The following DLGAP2 variants were observed in gnomAD, a reference collection of about 807,000 sequenced individuals.
DLGAP2 encodes disks large-associated protein 2.
A neutral mutation model predicts 100.3 loss-of-function variants in DLGAP2; 26 were observed. The ratio of observed to expected loss-of-function variants is 0.26; its 90% CI spans 0.19 to 0.36. The LOEUF is 0.36. Among genes scored for constraint, DLGAP2 ranks in the 10% least tolerant of loss-of-function variants. DLGAP2 has a pLI of 1.00. For missense variants in DLGAP2, 1,858 were observed against 1,453.2 expected, an observed-to-expected ratio of 1.28 and a Z score of -4.53; for synonymous variants, 886 against 630.1, an observed-to-expected ratio of 1.41 and a Z score of -6.08.
intron 2 of DLGAP2, among the ~76,000 whole-genome samples, chr8:1,092,285 G>A (rs111876788): frequency 6.6e-6 from 1 of 152,210 alleles, no homozygotes; most frequent in African/African-American, 2.4e-5. Flanking sequence ...CATTTCCACT[G>A]TGCCGGGCTG....
intron 1 of DLGAP2, among the ~76,000 whole-genome samples, chr8:758,407 T>C (rs188635886): frequency 6.6e-6 from 1 of 152,232 alleles, no homozygotes; most frequent in East Asian, 1.9e-4. Context: ...ATTTATATAT[T>C]TATAGATATT....
In DLGAP2 at chr8:905,723, A is replaced by AG. The variant is rs927980828; in HGVS notation, c.19-2183dup. On this transcript the variant is annotated intron_variant, in intron 1 of 14. Transcript: ENST00000637795. ...GTGGTCACGGGAGCTGCGGCATTTG[A>AG]GGGGGGCGCCAGCTCCCATGGAGGT... Among the ~76,000 whole-genome samples, 43 of 152,112 alleles carry AG rather than the reference A, an allele frequency of 2.8e-4. No homozygotes were observed. The Middle Eastern group carries it at 0.017, about 60-fold the overall frequency.
intron 3 of DLGAP2, among the ~76,000 whole-genome samples, chr8:1,477,496 T>C (rs959211444): frequency 3.3e-5 from 5 of 152,214 alleles, no homozygotes; most frequent in African/African-American, 7.2e-5. Flanking sequence ...GGAACCTTGC[T>C]CTTTTATTGA....
At chr8:1,322,758 A>T (rs1800935295) in intron 3 of DLGAP2, among the ~76,000 whole-genome samples, 1 of 152,218 alleles carries the variant, frequency 6.6e-6, no homozygotes, top group Non-Finnish European at 1.5e-5. Context: ...GGAAACATAG[A>T]TCAGATCGGC....
intron 3 of DLGAP2, among the ~76,000 whole-genome samples, chr8:1,491,383 T>TCCCCCTGACCCCGGAGGCTTCGTGCC (rs1563180305): frequency 6.7e-6 from 1 of 149,112 alleles, no homozygotes; most frequent in African/African-American, 2.5e-5. Context: ...GGCTTCGGGC[T>TCCCCCTGACCCCGGAGGCTTCGTGCC]GCTCCCCCTG....
intron 1 of DLGAP2, among the ~76,000 whole-genome samples, chr8:810,328 G>C (rs1796348779): frequency 1.3e-5 from 2 of 152,092 alleles, no homozygotes; most frequent in African/African-American, 4.8e-5. Context: ...TATTGTTTTA[G>C]TCATTAATTA....
intron 2 of DLGAP2, 66 bp downstream of exon 2, chr8:908,032 G>A (rs1282902773): frequency 2.5e-6 from 1 of 398,504 alleles, no homozygotes; most frequent in Non-Finnish European, 4.4e-6. Context: ...AGTGAGAAAT[G>A]TGATTACCTA....
At chr8:1,345,645 C>G (rs1056424624) in intron 3 of DLGAP2, among the ~76,000 whole-genome samples, 10 of 152,180 alleles carry the variant, frequency 6.6e-5, no homozygotes, top group African/African-American at 1.7e-4. Flanking sequence ...CACAGCAGCC[C>G]TGAGGGATGG....
intron 3 of DLGAP2, among the ~76,000 whole-genome samples, chr8:1,303,402 CAAAAAAA>C (rs374350701): frequency 4.4e-4 from 55 of 125,346 alleles, no homozygotes; most frequent in Admixed American, 4.0e-4. Flanking sequence ...GTCTCAAAAA[CAAAAAAA>C]AAAAAAAAAA....
chr8:1,004,735 G>A (rs372893533), intron 2 of DLGAP2, among the ~76,000 whole-genome samples: 4 of 152,172 alleles, frequency 2.6e-5, no homozygotes, highest in East Asian at 3.9e-4. Flanking sequence ...CTGGGAGGTC[G>A]GCTTCACACC....
intron 2 of DLGAP2, among the ~76,000 whole-genome samples, chr8:1,132,309 A>T (rs748597665): frequency 6.6e-6 from 1 of 152,202 alleles, no homozygotes; most frequent in Non-Finnish European, 1.5e-5. Flanking sequence ...TTAAAGCCTG[A>T]GATAAAAACT....
intron 2 of DLGAP2, among the ~76,000 whole-genome samples, chr8:1,099,558 C>T (rs1044668008): frequency 1.1e-4 from 16 of 152,176 alleles, no homozygotes; most frequent in African/African-American, 3.9e-4. Context: ...GGGACTTCGT[C>T]CCTTTCAGAG....
intron 3 of DLGAP2, among the ~76,000 whole-genome samples, chr8:1,417,959 G>GA (rs112176608): frequency 9.9e-5 from 15 of 151,334 alleles, no homozygotes; most frequent in Middle Eastern, 3.4e-3. Context: ...CGTCTGTCGT[G>GA]AAAAAAAAAG....
chr8:897,653 G>C (rs953064720), intron 1 of DLGAP2, among the ~76,000 whole-genome samples: 1 of 152,052 alleles, frequency 6.6e-6, no homozygotes, highest in African/African-American at 2.4e-5. Flanking sequence ...TCCCTCTGCC[G>C]CCCCTTCCCT....
At chr8:1,124,669 T>C (rs572338147) in intron 2 of DLGAP2, among the ~76,000 whole-genome samples, 8 of 152,332 alleles carry the variant, frequency 5.3e-5, no homozygotes, top group African/African-American at 1.2e-4. Context: ...CTAATCTGTG[T>C]TTTTGATCCT....
chr8:786,619 G>C (rs780077879), intron 1 of DLGAP2, among the ~76,000 whole-genome samples: 2 of 151,996 alleles, frequency 1.3e-5, no homozygotes, highest in African/African-American at 2.4e-5. Context: ...GCGGCTCTTC[G>C]GGAGAGACGG....
intron 1 of DLGAP2, among the ~76,000 whole-genome samples, chr8:859,414 G>C (rs1390334103): frequency 6.6e-6 from 1 of 152,180 alleles, no homozygotes; most frequent in Non-Finnish European, 1.5e-5. Flanking sequence ...ACCTGGCCCT[G>C]TCTTAGTCTT....
chr8:1,292,688 G>T (rs969843547), intron 3 of DLGAP2, among the ~76,000 whole-genome samples: 1 of 152,176 alleles, frequency 6.6e-6, no homozygotes, highest in Non-Finnish European at 1.5e-5. Flanking sequence ...GACTGAGAAA[G>T]GTCGCGTGGA....
chr8:1,544,599 C>T (rs893683220), intron 4 of DLGAP2, among the ~76,000 whole-genome samples: 2 of 152,146 alleles, frequency 1.3e-5, no homozygotes, highest in African/African-American at 4.8e-5. Flanking sequence ...CCCCTTTGTT[C>T]TATTAAAGTG....
Sources: allele counts gnomAD v4.1 joint callset (sites outside exome capture counted in the v4.1 genomes callset), GRCh38; gene constraint gnomAD v4.1.1; transcripts MANE v1.5; gene names NCBI Gene and HGNC (gene_info 2026-07-23, HGNC 2026-07-21).